Variants in NAT2 observed in about 807,000 individuals in gnomAD.
NAT2 encodes arylamine N-acetyltransferase 2.
For missense variants in NAT2, 428 were observed against 339.1 expected (o/e 1.26, Z -2.06); for synonymous variants, 137 against 125.9 (o/e 1.09, Z -0.59).
rs1344597702 is a variant in NAT2 at position 18,400,672 on chromosome 8, T to C, written c.669T>C (p.Cys223=). The C allele has an allele frequency of 6.2e-7, 1 of 1,614,002 alleles. No individual in the cohort carries two copies. Among genetic ancestry groups the C allele is most frequent in the East Asian group, 2.2e-5 (1 of 44,878 alleles). ...PTSSFITTSF[C]SLQTPEGVYC... is the part of the protein sequence containing the mutation. ...CTTCATTTATAACCACATCATTTTG[T>C]TCCTTGCAGACCCCAGAAGGGGTTT... The change falls in exon 2 of 2, where the codon TGT becomes TGC. Residue 223 remains cysteine, a synonymous_variant. Coordinates refer to ENST00000286479, the MANE Select transcript of NAT2 (RefSeq NM_000015.3).
At chr8:18,392,634 A>T (rs1800609654) in intron 1 of NAT2, among the ~76,000 whole-genome samples, 1 of 152,188 alleles carries the variant, frequency 6.6e-6, no homozygotes, top group Non-Finnish European at 1.5e-5. Context: ...ACCCTCACAG[A>T]CACACCCAGG....
At chr8:18,389,731 T>A (rs1800563457), upstream of NAT2, among the ~76,000 whole-genome samples, 1 of 152,078 alleles carries the variant, frequency 6.6e-6, no homozygotes. Context: ...TCTGCTAATC[T>A]GCAGAGGATG....
chr8:18,389,626 C>A (rs189220805), upstream of NAT2, among the ~76,000 whole-genome samples: 2 of 152,200 alleles, frequency 1.3e-5, no homozygotes, highest in African/African-American at 4.8e-5. Context: ...TTCTTCTATA[C>A]AAGAGGACAG....
At position 18,400,650 on chromosome 8, in the gene NAT2, C is replaced by T; in HGVS notation, c.647C>T (p.Ser216Leu). 1 of 1,613,976 alleles carries T rather than the reference C, an allele frequency of 6.2e-7. No homozygotes were observed. Among genetic ancestry groups the T allele is most frequent in the South Asian group, 1.1e-5 (1 of 91,082 alleles). ...NTYLQTSPTS[S>L]FITTSFCSLQ... Reference sequence around the variant, plus strand: ...TACCTGCAGACGTCTCCAACATCTTCATTTATAACCACATCATTTTGTTCC... The same window carrying T: ...TACCTGCAGACGTCTCCAACATCTTTATTTATAACCACATCATTTTGTTCC... Residue 216 changes from serine to leucine, a missense_variant, in exon 2 of 2, where the codon TCA becomes TTA. Transcript: ENST00000286479.
chr8:18,393,956 G>C (rs1053910680), intron 1 of NAT2, among the ~76,000 whole-genome samples: 1 of 152,206 alleles, frequency 6.6e-6, no homozygotes, highest in African/African-American at 2.4e-5. Flanking sequence ...ATGCACATCC[G>C]TGTGAAGAGA....
At chr8:18,394,052 G>C (rs1800639680) in intron 1 of NAT2, among the ~76,000 whole-genome samples, 1 of 152,142 alleles carries the variant, frequency 6.6e-6, no homozygotes, top group South Asian at 2.1e-4. Flanking sequence ...AGTCAGTGAA[G>C]GGAGATAAGG....
Position 18,400,288 on chromosome 8 carries a change from C to G in NAT2, c.285C>G (p.Ile95Met), listed in dbSNP as rs948085566. The G allele has an allele frequency of 2.5e-6, 4 of 1,613,534 alleles. No homozygotes were observed. Among genetic ancestry groups the G allele is most frequent in the South Asian group, 1.1e-5 (1 of 91,022 alleles). The change falls in exon 2 of 2, where the codon ATC (isoleucine) becomes ATG (methionine). Residue 95 changes from isoleucine to methionine, a missense_variant. By Grantham distance (10) the Ile-to-Met change is conservative. Coordinates refer to ENST00000286479, the MANE Select transcript of NAT2 (RefSeq NM_000015.3). ...CAATGTTAGGAGGGTATTTTTACAT[C>G]CCTCCAGTTAACAAATACAGCACTG... ...QTTMLGGYFY[I>M]PPVNKYSTGM...
chr8:18,390,557 T>C, upstream of NAT2, among the ~76,000 whole-genome samples: 1 of 152,108 alleles, frequency 6.6e-6, no homozygotes, highest in African/African-American at 2.4e-5. Flanking sequence ...TATACAATTG[T>C]TATGTGTCAA....
Position 18,398,435 on chromosome 8 carries a change from T to C in NAT2, c.-6-1563T>C, listed in dbSNP as rs573937121. 1.3e-4 allele frequency among the ~76,000 whole-genome samples: 20 copies of C among 152,326 alleles called. No homozygotes were observed. In the South Asian group the frequency reaches 4.1e-3, roughly 32 times the overall value. On this transcript the variant is annotated intron_variant, in intron 1 of 1. Coordinates refer to ENST00000286479, the MANE Select transcript of NAT2 (RefSeq NM_000015.3). ...GGCTGGTTTTGAGAAAAAGGAGTTC[T>C]GATTTCTAGGTTCTGCCTTGGGGAA...
At chr8:18,388,576 CATT>C (rs1800544010), upstream of NAT2, among the ~76,000 whole-genome samples, 1 of 139,798 alleles carries the variant, frequency 7.2e-6, no homozygotes, top group African/African-American at 2.7e-5. Context: ...AAAGGAAGAA[CATT>C]TATTTCTTTC....
intron 1 of NAT2, among the ~76,000 whole-genome samples, chr8:18,392,797 A>G (rs913791708): frequency 3.3e-5 from 5 of 152,246 alleles, no homozygotes; most frequent in Non-Finnish European, 7.3e-5. Flanking sequence ...GACTCAAAGC[A>G]TGGCCAGAAA....
At chr8:18,393,950 A>G (rs1800637131) in intron 1 of NAT2, among the ~76,000 whole-genome samples, 1 of 152,236 alleles carries the variant, frequency 6.6e-6, no homozygotes, top group South Asian at 2.1e-4. Context: ...AGTTTCATGC[A>G]CATCCGTGTG....
At chr8:18,395,768 A>G (rs143602258) in intron 1 of NAT2, among the ~76,000 whole-genome samples, 1 of 152,308 alleles carries the variant, frequency 6.6e-6, no homozygotes, top group East Asian at 1.9e-4. Flanking sequence ...TGGTGGAAAA[A>G]CAAATTACAA....
intron 1 of NAT2, among the ~76,000 whole-genome samples, chr8:18,398,283 C>A (rs896397648): frequency 2.1e-4 from 32 of 152,202 alleles, no homozygotes; most frequent in African/African-American, 7.7e-4. Flanking sequence ...TGAGCATGTA[C>A]TCCTTCCTTC....
chr8:18,399,447 G>C (rs1287208341), intron 1 of NAT2, among the ~76,000 whole-genome samples: 2 of 152,104 alleles, frequency 1.3e-5, no homozygotes, highest in East Asian at 3.9e-4. Flanking sequence ...GCAAGTACTA[G>C]AACAATAGGA....
Position 18,400,061 on chromosome 8 carries a change from G to C in NAT2, c.58G>C (p.Asp20His). ...CTATAAGAACTCTAGGAACAAATTG[G>C]ACTTGGAAACATTAACTGACATTCT... is the stretch of plus-strand genomic sequence containing the variant. ...IGYKNSRNKL[D>H]LETLTDILEH... Residue 20 changes from aspartate (D) to histidine (H), a missense_variant, in exon 2 of 2, where the codon GAC becomes CAC. By Grantham distance (81) the Asp-to-His change is moderately conservative. Transcript: ENST00000286479. 1 of 1,612,660 alleles carries C rather than the reference G, an allele frequency of 6.2e-7. No individual in the cohort carries two copies. Among genetic ancestry groups the C allele is most frequent in the Non-Finnish European group, 8.5e-7 (1 of 1,179,190 alleles).
chr8:18,397,983 G>A (rs1377355587), intron 1 of NAT2, among the ~76,000 whole-genome samples: 1 of 152,136 alleles, frequency 6.6e-6, no homozygotes, highest in East Asian at 1.9e-4. Flanking sequence ...TGTGCTGTTG[G>A]CTTTTCCTCC....
upstream of NAT2, among the ~76,000 whole-genome samples, chr8:18,386,380 G>C (rs921341681): frequency 6.6e-6 from 1 of 152,202 alleles, no homozygotes; most frequent in African/African-American, 2.4e-5. Flanking sequence ...TTACATCCAT[G>C]ATCTGGAAAG....
intron 1 of NAT2, among the ~76,000 whole-genome samples, chr8:18,395,328 G>A (rs45620634): frequency 9.5e-4 from 145 of 152,104 alleles, no homozygotes; most frequent in African/African-American, 3.5e-3. Flanking sequence ...CATGGTCAAG[G>A]ACACACTTAA....
Sources: gnomAD v4.1 joint callset for allele counts (sites outside exome capture counted in the v4.1 genomes callset) on GRCh38, gnomAD v4.1.1 for gene constraint, MANE v1.5 for transcripts, NCBI Gene and HGNC (gene_info 2026-07-23, HGNC 2026-07-21) for gene names.